The following FAM186A variants were observed in gnomAD, a reference collection of about 807,000 sequenced individuals.
FAM186A encodes protein FAM186A.
In FAM186A, 163 loss-of-function variants were observed where a neutral mutation model predicts 216.8. The observed-to-expected ratio is 0.75, with a 90% confidence interval of 0.66 to 0.86. FAM186A has a LOEUF of 0.86. Among genes scored for constraint, FAM186A ranks in the 40% least tolerant of loss-of-function variants. The probability of loss-of-function intolerance (pLI) is 0.00; values close to 1 mark genes in which losing one functional copy is unlikely to be tolerated. For synonymous variants in FAM186A, 805 were observed against 1,025.3 expected (o/e 0.79, Z 4.10); for missense variants, 2,184 against 2,746.2 (o/e 0.80, Z 4.58).
chr12:50,382,285 T>C (rs1319952614), intron 1 of FAM186A, among the ~76,000 whole-genome samples: 3 of 147,288 alleles, frequency 2.0e-5, no homozygotes, highest in African/African-American at 7.5e-5. Context: ...TGTCCACACA[T>C]GCTTAGAGAT....
intron 1 of FAM186A, among the ~76,000 whole-genome samples, chr12:50,372,994 G>GGAAAGAAA (rs1491450637): frequency 0.015 from 864 of 59,524 alleles, 177 homozygotes; most frequent in East Asian, 0.019. Context: ...AAGGAAGGAA[G>GGAAAGAAA]GAATGAAAGA....
At position 50,342,570 on chromosome 12, in the gene FAM186A, G is replaced by A. The variant is rs187537659; in HGVS notation, c.6503+7759C>T. Among the ~76,000 whole-genome samples the A allele has an allele frequency of 5.9e-3, 884 of 150,886 alleles. 7 individuals carry two copies. The highest frequency in any genetic ancestry group is 0.01 in the Non-Finnish European group (691 of 67,738). On this transcript the variant is annotated intron_variant, in intron 4 of 7. Transcript: ENST00000327337. Reference sequence around the variant, plus strand: ...GCTCACTGCAACCTCTGCCTCCTGGGTTCAAGTGATTTTCCGGCCTCAGCC... The same window carrying A: ...GCTCACTGCAACCTCTGCCTCCTGGATTCAAGTGATTTTCCGGCCTCAGCC...
At chr12:50,379,485 CAA>C (rs1186341500) in intron 1 of FAM186A, among the ~76,000 whole-genome samples, 6 of 1,722 alleles carry the variant, frequency 3.5e-3, no homozygotes, top group African/African-American at 7.9e-3. Context: ...AAAACAAAAA[CAA>C]AAAAAAACTA....
rs1942964372 is a variant in FAM186A at position 50,355,439 on chromosome 12, CTTTTTTGTGGCTT to C, written c.1380_1392del (p.Ser461ProfsTer12). On this transcript the variant is annotated frameshift_variant, in exon 4 of 8. Transcript: ENST00000327337. LOFTEE classifies it high-confidence loss of function. The stretch of plus-strand genomic sequence containing the variant: ...CCAGAGGTCTCATATACATATGTGG[CTTTTTTGTGGCTT>C]CTTTTCCATGATTGATACTCATCAG... The C allele has an allele frequency of 1.7e-5, 26 of 1,550,828 alleles. No individual in the cohort carries two copies. Among genetic ancestry groups the C allele is most frequent in the Non-Finnish European group, 2.2e-5 (25 of 1,146,920 alleles).
intron 6 of FAM186A, 92 bp downstream of exon 6, chr12:50,331,578 A>T: frequency 1.7e-6 from 2 of 1,210,674 alleles, no homozygotes; most frequent in Non-Finnish European, 2.3e-6. Flanking sequence ...ACCATTTGAT[A>T]ATTGTGGAGA....
At chr12:50,358,958 A>G (rs578253474) in intron 3 of FAM186A, among the ~76,000 whole-genome samples, 1 of 151,960 alleles carries the variant, frequency 6.6e-6, no homozygotes, top group Non-Finnish European at 1.5e-5. Flanking sequence ...AATTTCAAAA[A>G]TGGGCAAGTA....
intron 4 of FAM186A, among the ~76,000 whole-genome samples, chr12:50,343,624 C>CT (rs1459139012): frequency 6.6e-6 from 1 of 150,560 alleles, no homozygotes; most frequent in African/African-American, 2.4e-5. Context: ...TCTCTTTTTT[C>CT]TTTTTTTTCT....
chr12:50,395,573 G>A (rs776989293), intron 1 of FAM186A, among the ~76,000 whole-genome samples: 4 of 152,094 alleles, frequency 2.6e-5, no homozygotes, highest in Non-Finnish European at 4.4e-5. Context: ...GCTTCCCAAA[G>A]TGTTGGGATT....
intron 2 of FAM186A, among the ~76,000 whole-genome samples, chr12:50,362,944 G>A (rs1259020887): frequency 6.6e-6 from 1 of 151,854 alleles, no homozygotes; most frequent in Non-Finnish European, 1.5e-5. Flanking sequence ...AAAGCAAGGA[G>A]GCCAGCATAG....
intron 4 of FAM186A, among the ~76,000 whole-genome samples, chr12:50,345,678 G>T (rs1942804785): frequency 6.6e-6 from 1 of 151,936 alleles, no homozygotes; most frequent in Non-Finnish European, 1.5e-5. Context: ...CTTTATTTCT[G>T]GGTTCTCTAT....
At chr12:50,378,581 TGTAAATTGTATATATATATATAC>T (rs1943222957) in intron 1 of FAM186A, among the ~76,000 whole-genome samples, 2 of 11,612 alleles carry the variant, frequency 1.7e-4, no homozygotes, top group South Asian at 0.012. Context: ...TATACACATA[TGTAAATTGTATATATATATATAC>T]ACATATGTAA....
In FAM186A at chr12:50,356,075, A is replaced by G. The variant is rs1234930221; in HGVS notation, c.757T>C (p.Leu253=). The G allele has an allele frequency of 7.7e-6, 12 of 1,551,658 alleles. 1 individual carries two copies. Among genetic ancestry groups the G allele is most frequent in the South Asian group, 3.6e-5 (3 of 84,058 alleles). ...ATATATTTAATAGCATTGTTTTCCA[A>G]TGTACTGAACATTGTGGTGCCTATG... The part of the protein sequence containing the change: ...ELIGTTMFST[L]ENNAIKYISS... The change falls in exon 4 of 8, where the codon TTG becomes CTG. Residue 253 remains leucine, a synonymous_variant. Transcript: ENST00000327337.
At chr12:50,358,727 A>G (rs372558224) in intron 3 of FAM186A, among the ~76,000 whole-genome samples, 2 of 152,018 alleles carry the variant, frequency 1.3e-5, no homozygotes, top group East Asian at 1.9e-4. Context: ...GTTCAAGATC[A>G]GCCTGGCCAA....
intron 1 of FAM186A, among the ~76,000 whole-genome samples, chr12:50,365,301 T>C (rs1943077538): frequency 6.6e-6 from 1 of 152,198 alleles, no homozygotes; most frequent in South Asian, 2.1e-4. Flanking sequence ...TATGTATCAA[T>C]GCAAGCCTCG....
rs1346279727 is a variant in FAM186A, at chr12:50,351,254, G to A, written c.5578C>T (p.Gln1860Ter). The A allele has an allele frequency of 1.2e-5, 19 of 1,551,002 alleles. No homozygotes were observed. In the Admixed American group the frequency reaches 1.8e-4, roughly 14 times the overall value. The part of the protein sequence containing the change: ...PSLWAPLSPG[Q>*]PLVPEASSIP... ...GAAGAGGCTTCAGGAACTAAGGGCT[G>A]CCCAGGAGAAAGAGGAGCCCAGAGA... The change falls in exon 4 of 8, where the codon CAG (glutamine) becomes TAG (stop). Residue 1860 changes from glutamine (Q) to a stop codon, truncating the protein, a stop_gained. Transcript: ENST00000327337. LOFTEE classifies it high-confidence loss of function.
In FAM186A at chr12:50,350,597, G is replaced by A. The variant is rs2136090221; in HGVS notation, c.6235C>T (p.Leu2079=). 2 of 1,551,654 alleles carry A rather than the reference G, an allele frequency of 1.3e-6. No individual in the cohort carries two copies. Among genetic ancestry groups the A allele is most frequent in the South Asian group, 1.2e-5 (1 of 84,066 alleles). ...RFPPIDKPWI[L]SSVSDTKKPK... is the part of the protein sequence containing the mutation. ...TTCTTGGTATCTGAAACTGAACTCA[G>A]TATCCAGGGCTTGTCTATAGGAGGG... is the stretch of plus-strand genomic sequence containing the variant. Residue 2079 remains leucine (L), a synonymous_variant, in exon 4 of 8, where the codon CTG becomes TTG. Transcript: ENST00000327337.
chr12:50,366,206 C>G, intron 1 of FAM186A: 1 of 562,398 alleles, frequency 1.8e-6, no homozygotes, highest in Non-Finnish European at 3.1e-6. Context: ...GGTGTATTTG[C>G]TGTTACAGCA....
chr12:50,344,577 G>A (rs79822684), intron 4 of FAM186A, among the ~76,000 whole-genome samples: 2 of 152,186 alleles, frequency 1.3e-5, no homozygotes, highest in Non-Finnish European at 2.9e-5. Context: ...GAGCAGACAA[G>A]TGCATGTGTC....
intron 6 of FAM186A, 147 bp downstream of exon 6, chr12:50,331,523 T>G: frequency 4.0e-5 from 29 of 717,396 alleles, no homozygotes; most frequent in Non-Finnish European, 5.9e-5. Flanking sequence ...ATTACAGGCA[T>G]GAGCCACCGC....
Sources: gnomAD v4.1 joint callset for allele counts (sites outside exome capture counted in the v4.1 genomes callset) on GRCh38, gnomAD v4.1.1 for gene constraint, MANE v1.5 for transcripts, NCBI Gene and HGNC (gene_info 2026-07-23, HGNC 2026-07-21) for gene names.